The following FRMD4B variants were observed in gnomAD, a reference collection of about 807,000 sequenced individuals.
FRMD4B encodes FERM domain containing 4B, also known as FERM domain-containing protein 4B.
FRMD4B carries 74 observed loss-of-function variants against 141.5 expected under a neutral mutation model. The observed-to-expected ratio is 0.52, with a 90% confidence interval of 0.43 to 0.63. The LOEUF is 0.63. FRMD4B is among the 30% of genes least tolerant of loss of function. The pLI is 0.00. For missense variants in FRMD4B, 1,366 were observed against 1,253.4 expected (o/e 1.09, Z -1.36); for synonymous variants, 506 against 467.9 (o/e 1.08, Z -1.05).
At chr3:69,241,367 C>T (rs945747050) in intron 7 of FRMD4B, among the ~76,000 whole-genome samples, 14 of 152,126 alleles carry the variant, frequency 9.2e-5, no homozygotes, top group African/African-American at 1.9e-4. Flanking sequence ...AGATTCATAG[C>T]GCTCATGAGC....
chr3:69,485,401 C>T (rs1029296486), intron 1 of FRMD4B, among the ~76,000 whole-genome samples: 4 of 152,162 alleles, frequency 2.6e-5, no homozygotes, highest in Non-Finnish European at 4.4e-5. Context: ...GTGGGGGGCT[C>T]CTGCCTACTT....
chr3:69,312,233 G>GA (rs1218192801), intron 2 of FRMD4B, among the ~76,000 whole-genome samples: 36 of 152,180 alleles, frequency 2.4e-4, no homozygotes, highest in Admixed American at 6.5e-4. Context: ...AAGAAAAGGG[G>GA]AATCCTTGCA....
At chr3:69,527,615 T>C (rs1268908969) in intron 1 of FRMD4B, among the ~76,000 whole-genome samples, 3 of 152,248 alleles carry the variant, frequency 2.0e-5, no homozygotes, top group Non-Finnish European at 4.4e-5. Flanking sequence ...CAATGCTATT[T>C]TGAAATATGT....
At chr3:69,454,223 T>C (rs1705547721) in intron 1 of FRMD4B, among the ~76,000 whole-genome samples, 1 of 152,228 alleles carries the variant, frequency 6.6e-6, no homozygotes, top group African/African-American at 2.4e-5. Flanking sequence ...AAGGAGATAC[T>C]CACTCCCTGA....
At chr3:69,246,886 G>T (rs2093429252) in intron 7 of FRMD4B, among the ~76,000 whole-genome samples, 1 of 152,176 alleles carries the variant, frequency 6.6e-6, no homozygotes, top group Admixed American at 6.6e-5. Flanking sequence ...ATGTCCTAGG[G>T]CTCAAATGTT....
chr3:69,201,911 C>A (rs1189687750), intron 11 of FRMD4B, among the ~76,000 whole-genome samples: 1 of 152,012 alleles, frequency 6.6e-6, no homozygotes, highest in East Asian at 1.9e-4. Context: ...AGGGGCTGGG[C>A]GTGGTGGGTT....
chr3:69,203,486 G>A (rs59324628), intron 11 of FRMD4B, among the ~76,000 whole-genome samples: 1,774 of 152,214 alleles, frequency 0.012, 33 homozygotes, highest in East Asian at 0.075. Context: ...CTTGAGTGCC[G>A]TGTATGTTTG....
intron 9 of FRMD4B, 124 bp downstream of exon 9, chr3:69,221,734 A>G (rs1274592809): frequency 1.5e-6 from 1 of 663,850 alleles, no homozygotes. Context: ...TCTAATTCAC[A>G]GTAAGATATT....
Position 69,196,321 on chromosome 3 carries a change from T to C in FRMD4B, c.1168A>G (p.Lys390Glu). 6.2e-7 allele frequency: 1 copy of C among 1,610,524 alleles called. No individual in the cohort carries two copies. Among genetic ancestry groups the C allele is most frequent in the South Asian group, 1.1e-5 (1 of 90,704 alleles). The change falls in exon 14 of 23, where the codon AAG (lysine) becomes GAG (glutamate). Residue 390 changes from lysine (K) to glutamate (E), a missense_variant. By Grantham distance (56) the Lys-to-Glu change is moderately conservative. Transcript: ENST00000398540. ...LTETGTQRASKLVTLETKSQF... is the reference protein window; with the variant it reads ...LTETGTQRASELVTLETKSQF... ...CTTTTCGTCTCCAGTGTCACCAGCT[T>C]GGAGGCCCTTTGTGTTCCTGTCTCT... is the stretch of plus-strand genomic sequence containing the variant.
At chr3:69,280,842 C>T (rs2093641489) in intron 5 of FRMD4B, among the ~76,000 whole-genome samples, 1 of 152,000 alleles carries the variant, frequency 6.6e-6, no homozygotes, top group Non-Finnish European at 1.5e-5. Flanking sequence ...TGGTTTTGAA[C>T]TCCTGAGTTC....
intron 1 of FRMD4B, among the ~76,000 whole-genome samples, chr3:69,376,009 T>G (rs1383394312): frequency 6.6e-6 from 1 of 152,108 alleles, no homozygotes; most frequent in East Asian, 1.9e-4. Context: ...TGAAAATGAA[T>G]TTAGAGATAA....
chr3:69,371,999 C>T (rs1005553818), intron 1 of FRMD4B, among the ~76,000 whole-genome samples: 2 of 152,198 alleles, frequency 1.3e-5, no homozygotes, highest in Non-Finnish European at 2.9e-5. Flanking sequence ...CTAATCTCTG[C>T]TGCCTTGCCA....
chr3:69,233,142 CAAATGG>C (rs2093322131), intron 7 of FRMD4B, among the ~76,000 whole-genome samples: 1 of 151,882 alleles, frequency 6.6e-6, no homozygotes, highest in African/African-American at 2.4e-5. Flanking sequence ...ATATAATATC[CAAATGG>C]AAACAGCTAC....
chr3:69,407,862 G>T (rs1039227528), intron 2 of FRMD4B, among the ~76,000 whole-genome samples: 1 of 152,110 alleles, frequency 6.6e-6, no homozygotes, highest in Non-Finnish European at 1.5e-5. Flanking sequence ...CAAATATTAG[G>T]CATTTGATTT....
At chr3:69,465,097 G>A (rs1705761788) in intron 1 of FRMD4B, among the ~76,000 whole-genome samples, 1 of 152,158 alleles carries the variant, frequency 6.6e-6, no homozygotes, top group Admixed American at 6.5e-5. Context: ...AAGGCAGGCA[G>A]ATCATGAGGT....
At chr3:69,489,090 T>A (rs1322294817) in intron 1 of FRMD4B, among the ~76,000 whole-genome samples, 5 of 151,766 alleles carry the variant, frequency 3.3e-5, no homozygotes, top group African/African-American at 9.7e-5. Context: ...CTATCAAGAA[T>A]GTGAAAAGAC....
intron 5 of FRMD4B, among the ~76,000 whole-genome samples, chr3:69,261,561 G>A (rs1230955137): frequency 2.0e-5 from 3 of 152,164 alleles, no homozygotes; most frequent in Admixed American, 6.5e-5. Flanking sequence ...GGTATATCTG[G>A]TTGCATTACA....
At chr3:69,202,391 C>T (rs929406801) in intron 11 of FRMD4B, among the ~76,000 whole-genome samples, 2 of 149,848 alleles carry the variant, frequency 1.3e-5, no homozygotes, top group African/African-American at 4.9e-5. Flanking sequence ...AAAATATATG[C>T]ATGTGTATGT....
intron 11 of FRMD4B, among the ~76,000 whole-genome samples, chr3:69,211,409 AC>A (rs774598798): frequency 2.0e-4 from 31 of 152,220 alleles, no homozygotes; most frequent in Non-Finnish European, 4.1e-4. Context: ...ACTTGTTGGC[AC>A]CCCAGACTGG....
Sources: gnomAD v4.1 joint callset for allele counts (sites outside exome capture counted in the v4.1 genomes callset) on GRCh38, gnomAD v4.1.1 for gene constraint, MANE v1.5 for transcripts, NCBI Gene and HGNC (gene_info 2026-07-23, HGNC 2026-07-21) for gene names.